The following UGGT2 variants were observed in gnomAD, a reference collection of about 807,000 sequenced individuals.
UGGT2 encodes the protein UDP-glucose glycoprotein glucosyltransferase 2.
Under a neutral mutation model 192.1 loss-of-function variants are expected in UGGT2, and 180 were observed. The observed-to-expected ratio is 0.94, with a 90% CI of 0.83 to 1.06. The LOEUF (loss-of-function observed/expected upper bound fraction) is 1.06, where lower values mean the gene tolerates loss of function less well. Among genes scored for constraint, UGGT2 ranks in the 50% least tolerant of loss-of-function variants. The pLI, the probability that UGGT2 is intolerant of heterozygous loss-of-function variation, is 0.00. For missense variants in UGGT2, 1,849 were observed against 1,795.7 expected (o/e 1.03, Z -0.54); for synonymous variants, 580 against 591.0 (o/e 0.98, Z 0.27).
intron 38 of UGGT2, among the ~76,000 whole-genome samples, chr13:95,812,585 C>T (rs1016640506): frequency 1.3e-5 from 2 of 151,660 alleles, no homozygotes; most frequent in East Asian, 3.9e-4. Flanking sequence ...AATTTTTGTC[C>T]CCATCTATAT....
intron 15 of UGGT2, among the ~76,000 whole-genome samples, chr13:95,941,072 A>G (rs2049663445): frequency 6.6e-6 from 1 of 152,186 alleles, no homozygotes; most frequent in Non-Finnish European, 1.5e-5. Flanking sequence ...TTGCACCAAG[A>G]GAGATGGCAT....
intron 12 of UGGT2, among the ~76,000 whole-genome samples, chr13:95,967,575 G>C (rs565457380): frequency 2.6e-4 from 36 of 140,156 alleles, no homozygotes; most frequent in African/African-American, 9.3e-4. Flanking sequence ...TCAGGTTCAA[G>C]CGATTTTCCT....
At chr13:96,008,528 A>G (rs200869996) in intron 5 of UGGT2, among the ~76,000 whole-genome samples, 4 of 152,212 alleles carry the variant, frequency 2.6e-5, no homozygotes, top group African/African-American at 9.6e-5. Flanking sequence ...CAACTTCAGC[A>G]AAGTTTCAGG....
intron 8 of UGGT2, among the ~76,000 whole-genome samples, chr13:95,988,819 T>C (rs1460287032): frequency 6.6e-6 from 1 of 152,160 alleles, no homozygotes; most frequent in Non-Finnish European, 1.5e-5. Context: ...TGGTACAGTA[T>C]AAAGAATTTT....
At chr13:95,894,505 G>A in intron 24 of UGGT2, 57 bp downstream of exon 24, 6 of 1,366,194 alleles carry the variant, frequency 4.4e-6, no homozygotes, top group Non-Finnish European at 6.2e-6. Context: ...GAAAACAAAT[G>A]GAAATAATTG....
chr13:96,011,057 T>C (rs9556517), intron 5 of UGGT2, among the ~76,000 whole-genome samples: 1 of 151,872 alleles, frequency 6.6e-6, no homozygotes, highest in Admixed American at 6.6e-5. Context: ...GATATCCATA[T>C]GTAGAAAAAT....
intron 36 of UGGT2, among the ~76,000 whole-genome samples, chr13:95,840,457 G>A (rs1887745753): frequency 6.6e-6 from 1 of 152,182 alleles, no homozygotes; most frequent in Non-Finnish European, 1.5e-5. Flanking sequence ...CATCATCACT[G>A]ATTATTAGAG....
At chr13:95,946,909 T>A in intron 15 of UGGT2, 128 bp downstream of exon 15, 1 of 1,009,946 alleles carries the variant, frequency 9.9e-7, no homozygotes, top group Non-Finnish European at 1.4e-6. Context: ...TTAATCTCCA[T>A]GACAGTTTAT....
chr13:96,007,783 G>A (rs1233439672), intron 5 of UGGT2, among the ~76,000 whole-genome samples: 1 of 152,028 alleles, frequency 6.6e-6, no homozygotes, highest in Non-Finnish European at 1.5e-5. Flanking sequence ...GAAAGGAATC[G>A]AAGAGAACAC....
chr13:95,986,494 T>C (rs1205260030), intron 8 of UGGT2, 62 bp from the exon 9 acceptor site: 12 of 1,173,134 alleles, frequency 1.0e-5, no homozygotes, highest in African/African-American at 4.7e-5. Flanking sequence ...GACATTTCCA[T>C]GAAATTGAAA....
At chr13:95,804,829 T>G (rs1884226107) in intron 38 of UGGT2, among the ~76,000 whole-genome samples, 1 of 152,054 alleles carries the variant, frequency 6.6e-6, no homozygotes, top group African/African-American at 2.4e-5. Flanking sequence ...GACCTGAAAT[T>G]ATAAAACTCC....
chr13:96,051,996 A>G (rs763532897), intron 1 of UGGT2, among the ~76,000 whole-genome samples: 1 of 152,168 alleles, frequency 6.6e-6, no homozygotes, highest in Non-Finnish European at 1.5e-5. Flanking sequence ...CCAGAGGAAA[A>G]GAAGTCATGA....
intron 38 of UGGT2, among the ~76,000 whole-genome samples, chr13:95,829,792 A>G (rs1427592026): frequency 1.3e-5 from 2 of 152,168 alleles, no homozygotes; most frequent in East Asian, 1.9e-4. Context: ...TAAAGTTCAT[A>G]TGGAACCAAA....
intron 38 of UGGT2, among the ~76,000 whole-genome samples, chr13:95,806,620 T>C (rs929569191): frequency 1.3e-5 from 2 of 152,064 alleles, no homozygotes; most frequent in Non-Finnish European, 2.9e-5. Context: ...GAAAAAAAAT[T>C]GGACTCACTG....
chr13:95,824,429 A>T (rs1260099889), intron 38 of UGGT2, among the ~76,000 whole-genome samples: 1 of 151,026 alleles, frequency 6.6e-6, no homozygotes, highest in Non-Finnish European at 1.5e-5. Flanking sequence ...AACACCAATT[A>T]TTCTTAGGTT....
chr13:95,816,321 TGTTA>T (rs934551428), intron 38 of UGGT2, among the ~76,000 whole-genome samples: 3 of 152,304 alleles, frequency 2.0e-5, no homozygotes, highest in South Asian at 2.1e-4. Flanking sequence ...TCTCATATGT[TGTTA>T]GTTAGAATGT....
At chr13:96,034,424 C>T (rs2052936500) in intron 1 of UGGT2, among the ~76,000 whole-genome samples, 1 of 152,216 alleles carries the variant, frequency 6.6e-6, no homozygotes, top group Admixed American at 6.5e-5. Context: ...GCTCACCTTC[C>T]AGTTGTCTAC....
rs1889971150 is a variant in UGGT2 at position 95,859,679 on chromosome 13, T to C, written c.3741-4A>G. On this transcript the variant is annotated splice_polypyrimidine_tract_variant and splice_region_variant and intron_variant, in intron 32 of 38. Coordinates refer to ENST00000376747, the MANE Select transcript of UGGT2 (RefSeq NM_020121.4). ...CAAAACAGAAAGCATCATAATTCTG[T>C]ATAAAAGAATATTAAACCCAATATA... 1.9e-6 allele frequency: 3 copies of C among 1,598,664 alleles called. No homozygotes were observed. The East Asian group carries it at 6.7e-5, about 36-fold the overall frequency.
At chr13:95,904,646 T>C (rs1345663520) in intron 20 of UGGT2, among the ~76,000 whole-genome samples, 3 of 152,120 alleles carry the variant, frequency 2.0e-5, no homozygotes, top group East Asian at 3.8e-4. Context: ...TATGGCTGCA[T>C]AGAATTCCAT....
Sources: gnomAD v4.1 joint callset for allele counts (sites outside exome capture counted in the v4.1 genomes callset) on GRCh38, gnomAD v4.1.1 for gene constraint, MANE v1.5 for transcripts, NCBI Gene and HGNC (gene_info 2026-07-23, HGNC 2026-07-21) for gene names.